TNFRSF21: variants seen among roughly 807,000 people sequenced by gnomAD.
TNFRSF21 encodes the protein TNF receptor superfamily member 21, also known as tumor necrosis factor receptor superfamily member 21.
In TNFRSF21, 19 loss-of-function variants were observed where a neutral mutation model predicts 45.6. The observed-to-expected ratio is 0.42, with a 90% CI of 0.29 to 0.61. TNFRSF21 has a LOEUF of 0.61. Among genes scored for constraint, TNFRSF21 ranks in the 20% least tolerant of loss-of-function variants. The pLI is 0.23. For synonymous variants in TNFRSF21, 314 were observed against 335.5 expected, an observed-to-expected ratio of 0.94 and a Z score of 0.70; for missense variants, 737 against 851.5, an observed-to-expected ratio of 0.87 and a Z score of 1.67.
chr6:47,275,440 T>C (rs976550022), intron 3 of TNFRSF21, among the ~76,000 whole-genome samples: 5 of 151,982 alleles, frequency 3.3e-5, no homozygotes, highest in Non-Finnish European at 5.9e-5. Context: ...CACTCATAGG[T>C]GGGAACTGAA....
intron 1 of TNFRSF21, among the ~76,000 whole-genome samples, chr6:47,294,336 G>A (rs961159153): frequency 6.6e-6 from 1 of 152,186 alleles, no homozygotes; most frequent in South Asian, 2.1e-4. Flanking sequence ...TAGAGACAGG[G>A]TTTCACCATG....
intron 1 of TNFRSF21, among the ~76,000 whole-genome samples, chr6:47,294,053 T>C (rs1021365556): frequency 2.0e-5 from 3 of 152,242 alleles, no homozygotes; most frequent in Non-Finnish European, 4.4e-5. Context: ...AATAAATGAA[T>C]GAATGGACTT....
intron 3 of TNFRSF21, among the ~76,000 whole-genome samples, chr6:47,254,769 G>A (rs1764955852): frequency 6.6e-6 from 1 of 152,126 alleles, no homozygotes; most frequent in South Asian, 2.1e-4. Context: ...TTATAATGAA[G>A]ACAGCAGCCA....
chr6:47,251,186 T>G (rs1764897048), intron 4 of TNFRSF21, among the ~76,000 whole-genome samples: 1 of 152,204 alleles, frequency 6.6e-6, no homozygotes, highest in South Asian at 2.1e-4. Context: ...CATTGGCTAT[T>G]AAAATTAGAG....
At chr6:47,288,327 T>C (rs1196615074) in intron 1 of TNFRSF21, among the ~76,000 whole-genome samples, 1 of 152,194 alleles carries the variant, frequency 6.6e-6, no homozygotes, top group East Asian at 1.9e-4. Flanking sequence ...AACTGCTTGT[T>C]TGAAAACAGA....
intron 3 of TNFRSF21, among the ~76,000 whole-genome samples, chr6:47,263,086 G>A (rs1047606449): frequency 6.6e-6 from 1 of 152,178 alleles, no homozygotes; most frequent in Non-Finnish European, 1.5e-5. Flanking sequence ...GGTGATGGGA[G>A]GTGGTGGACT....
chr6:47,246,140 T>C (rs1217775800), intron 4 of TNFRSF21, among the ~76,000 whole-genome samples: 1 of 152,178 alleles, frequency 6.6e-6, no homozygotes, highest in East Asian at 1.9e-4. Context: ...TACCCACCTA[T>C]ACTTCTCAGG....
At chr6:47,255,422 G>C (rs942054146) in intron 3 of TNFRSF21, among the ~76,000 whole-genome samples, 1 of 151,962 alleles carries the variant, frequency 6.6e-6, no homozygotes, top group Non-Finnish European at 1.5e-5. Flanking sequence ...TTACTACAAC[G>C]GGTGAGTGAG....
chr6:47,296,413 G>A (rs1464787676), intron 1 of TNFRSF21, among the ~76,000 whole-genome samples: 2 of 152,148 alleles, frequency 1.3e-5, no homozygotes, highest in Non-Finnish European at 2.9e-5. Flanking sequence ...GGTTTCTGGT[G>A]CACAATTCCT....
At chr6:47,293,319 C>G (rs188470257) in intron 1 of TNFRSF21, among the ~76,000 whole-genome samples, 1 of 152,266 alleles carries the variant, frequency 6.6e-6, no homozygotes, top group East Asian at 1.9e-4. Flanking sequence ...TTCTCCAAGC[C>G]AGGGGTCAGC....
chr6:47,233,025 T>C (rs529719040), intron 5 of TNFRSF21, 31 bp from the exon 6 acceptor site: 19 of 1,608,266 alleles, frequency 1.2e-5, no homozygotes, highest in Non-Finnish European at 1.6e-5. Context: ...CAAAGACAGC[T>C]GTAAGGTGAC....
rs2113840293 is a variant in TNFRSF21 at position 47,232,625 on chromosome 6, AC to A, written c.*139del. 2 of 17,570 alleles carry A rather than the reference AC, an allele frequency of 1.1e-4. No individual in the cohort carries two copies. The highest frequency in any genetic ancestry group is 2.8e-4 in the African/African-American group (1 of 3,522). 1.1% of individuals were successfully genotyped at this position (17,570 alleles called of 1,614,324 possible). ...AAGCACTGGCCATATTCTCTGTTAAACACACACACACACACACACACACACA... is the reference window on the plus strand; with the variant it reads ...AAGCACTGGCCATATTCTCTGTTAAAACACACACACACACACACACACACA... On this transcript the variant is annotated 3_prime_UTR_variant, in exon 6 of 6. Coordinates refer to ENST00000296861, the MANE Select transcript of TNFRSF21 (RefSeq NM_014452.5).
chr6:47,234,971 CTATT>C, intron 4 of TNFRSF21, 73 bp from the exon 5 acceptor site: 1 of 911,612 alleles, frequency 1.1e-6, no homozygotes, highest in South Asian at 3.1e-5. Flanking sequence ...TCCTCAGAGG[CTATT>C]TTTTTTGTTC....
In TNFRSF21 at chr6:47,284,111, A is replaced by G. The variant is rs1232944227; in HGVS notation, c.1070T>C (p.Phe357Ser). 1 of 1,614,230 alleles carries G rather than the reference A, an allele frequency of 6.2e-7. No homozygotes were observed. The highest frequency in any genetic ancestry group is 8.5e-7 in the Non-Finnish European group (1 of 1,180,038). The change falls in exon 3 of 6, where the codon TTC (phenylalanine) becomes TCC (serine). Residue 357 changes from phenylalanine (F) to serine (S), a missense_variant. Transcript: ENST00000296861. ...AATCACCACAAGCACCAGCAGCAGG[A>G]AAAGCACAATCATCCAGGGCAAATG... ...NEHLPWMIVL[F>S]LLLVLVVIVV...
chr6:47,283,910 G>T, intron 3 of TNFRSF21, 28 bp downstream of exon 3: 2 of 1,594,658 alleles, frequency 1.3e-6, no homozygotes, highest in South Asian at 2.3e-5. Context: ...AGAGATCTGT[G>T]AGCAAGGAGA....
At chr6:47,308,784 T>C (rs1762974839) in intron 1 of TNFRSF21, among the ~76,000 whole-genome samples, 1 of 152,180 alleles carries the variant, frequency 6.6e-6, no homozygotes, top group South Asian at 2.1e-4. Flanking sequence ...AAGGGTGATA[T>C]TTCGGCATAC....
intron 4 of TNFRSF21, 43 bp downstream of exon 4, chr6:47,253,213 G>T (rs1561940794): frequency 1.3e-6 from 2 of 1,595,126 alleles, no homozygotes; most frequent in Non-Finnish European, 1.7e-6. Context: ...AAGCATAGGG[G>T]CAATAGGTCG....
chr6:47,278,363 C>T (rs937625408), intron 3 of TNFRSF21, among the ~76,000 whole-genome samples: 2 of 152,146 alleles, frequency 1.3e-5, no homozygotes, highest in African/African-American at 4.8e-5. Flanking sequence ...CAGTGCTATC[C>T]AAGAGAACTT....
intron 4 of TNFRSF21, among the ~76,000 whole-genome samples, chr6:47,252,921 T>C (rs1174469371): frequency 6.6e-6 from 1 of 152,202 alleles, no homozygotes; most frequent in Non-Finnish European, 1.5e-5. Context: ...AAGTGTGTCA[T>C]GCAAAATGGA....
Sources: gnomAD v4.1 joint callset for allele counts (sites outside exome capture counted in the v4.1 genomes callset) on GRCh38, gnomAD v4.1.1 for gene constraint, MANE v1.5 for transcripts, NCBI Gene and HGNC (gene_info 2026-07-23, HGNC 2026-07-21) for gene names.